The following ACOT1 variants were observed in gnomAD, a reference collection of about 807,000 sequenced individuals.
The protein encoded by ACOT1 is acyl-coenzyme A thioesterase 1.
ACOT1 carries 8 observed loss-of-function variants against 15.7 expected under a neutral mutation model. The ratio of observed to expected loss-of-function variants is 0.51; its 90% CI spans 0.30 to 0.92. ACOT1 has a LOEUF of 0.92. ACOT1 is among the 40% of genes least tolerant of loss of function. The probability of loss-of-function intolerance (pLI) is 0.06; values close to 1 mark genes in which losing one functional copy is unlikely to be tolerated. For synonymous variants in ACOT1, 67 were observed against 241.2 expected, an observed-to-expected ratio of 0.28 and a Z score of 6.69; for missense variants, 151 against 539.4, an observed-to-expected ratio of 0.28 and a Z score of 7.13.
At chr14:73,509,952 C>A in the ACOT1 span, among the ~76,000 whole-genome samples, 1 of 148,348 alleles carries the variant, frequency 6.7e-6, no homozygotes, top group Admixed American at 6.9e-5. Context: ...CAGCTCACTG[C>A]AAGCTCCGCC....
At chr14:73,515,356 G>A in the ACOT1 span, among the ~76,000 whole-genome samples, 3 of 152,200 alleles carry the variant, frequency 2.0e-5, no homozygotes, top group Admixed American at 1.3e-4. Context: ...GAGCAAGGAA[G>A]ACATAACATT....
At chr14:73,509,205 A>G in the ACOT1 span, 2 of 1,100,958 alleles carry the variant, frequency 1.8e-6, no homozygotes, top group Non-Finnish European at 2.7e-6. Flanking sequence ...TAAACCCAAT[A>G]CAGCAGACAT....
At chr14:73,516,799 T>C in the ACOT1 span, among the ~76,000 whole-genome samples, 27,655 of 152,138 alleles carry the variant, frequency 0.18, 3,300 homozygotes, top group East Asian at 0.43. Context: ...TACTGTGAAC[T>C]GCACATGTGA....
the ACOT1 span, among the ~76,000 whole-genome samples, chr14:73,518,656 G>A: frequency 2.0e-5 from 3 of 152,110 alleles, no homozygotes; most frequent in Non-Finnish European, 4.4e-5. Context: ...GGTAGAGCCA[G>A]CCCAAGGGAA....
At chr14:73,539,302 T>A (rs1205442180) in intron 1 of ACOT1, 2 of 117,206 alleles carry the variant, frequency 1.7e-5, no homozygotes, top group African/African-American at 5.6e-5. Flanking sequence ...TCCCTGTGCA[T>A]GGCAGGACCA....
the ACOT1 span, among the ~76,000 whole-genome samples, chr14:73,501,156 T>C: frequency 6.6e-6 from 1 of 152,246 alleles, no homozygotes; most frequent in African/African-American, 2.4e-5. Flanking sequence ...TCTCGCTCTG[T>C]TGCCCAGGCT....
At chr14:73,502,328 T>C in the ACOT1 span, among the ~76,000 whole-genome samples, 1 of 152,134 alleles carries the variant, frequency 6.6e-6, no homozygotes, top group African/African-American at 2.4e-5. Context: ...TATTTTTAAT[T>C]AGGTGTTTGT....
the ACOT1 span, chr14:73,502,923 G>A: frequency 1.7e-5 from 28 of 1,613,754 alleles, no homozygotes; most frequent in African/African-American, 2.7e-5. Flanking sequence ...TCTTTCCCGA[G>A]GCTCATTTGC....
chr14:73,516,463 G>C, the ACOT1 span, among the ~76,000 whole-genome samples: 1 of 137,820 alleles, frequency 7.3e-6, no homozygotes, highest in African/African-American at 2.8e-5. Flanking sequence ...CTCTGCTCAA[G>C]GAGTTAAAAT....
upstream of ACOT1, among the ~76,000 whole-genome samples, chr14:73,535,462 CTTCTTTCTTT>C (rs1490831696): frequency 9.9e-4 from 59 of 59,328 alleles, 8 homozygotes; most frequent in African/African-American, 2.3e-3. Context: ...TTTTCTTTTT[CTTCTTTCTTT>C]TTTTTTTTTT....
chr14:73,514,383 G>C, the ACOT1 span: 1 of 669,470 alleles, frequency 1.5e-6, no homozygotes, highest in Non-Finnish European at 2.6e-6. Context: ...ATTATATGGG[G>C]AACTGAGTAC....
chr14:73,509,864 ATATATT>A, the ACOT1 span, among the ~76,000 whole-genome samples: 110 of 67,790 alleles, frequency 1.6e-3, 2 homozygotes, highest in African/African-American at 2.8e-3. Context: ...ATATATATAT[ATATATT>A]TATTTATTTT....
chr14:73,524,823 T>G, the ACOT1 span, among the ~76,000 whole-genome samples: 1 of 152,012 alleles, frequency 6.6e-6, no homozygotes, highest in Non-Finnish European at 1.5e-5. Context: ...ATTCCATATG[T>G]TTCTATCCTG....
chr14:73,504,125 T>C, the ACOT1 span, among the ~76,000 whole-genome samples: 2 of 151,104 alleles, frequency 1.3e-5, no homozygotes, highest in South Asian at 4.2e-4. Flanking sequence ...TTGCCCAGGC[T>C]GGAGTGCAAT....
the ACOT1 span, among the ~76,000 whole-genome samples, chr14:73,503,521 G>A: frequency 5.9e-5 from 9 of 152,272 alleles, no homozygotes; most frequent in East Asian, 1.7e-3. Flanking sequence ...ATGTGCCCAC[G>A]CTGTTCTTCC....
At chr14:73,492,878 T>A in the ACOT1 span, 1 of 1,613,872 alleles carries the variant, frequency 6.2e-7, no homozygotes, top group Non-Finnish European at 8.5e-7. The surrounding 1 kb of genome is among the most constrained non-coding windows in gnomAD (Gnocchi z 4.9). Flanking sequence ...GGACCAGCTG[T>A]CCTTGGCAAC....
the ACOT1 span, among the ~76,000 whole-genome samples, chr14:73,526,687 C>T: frequency 3.5e-4 from 53 of 152,320 alleles, no homozygotes; most frequent in African/African-American, 9.9e-4. Context: ...ACCTACCCTG[C>T]GCCAGAAGGG....
At chr14:73,512,017 T>C in the ACOT1 span, 4 of 1,613,918 alleles carry the variant, frequency 2.5e-6, no homozygotes, top group African/African-American at 2.7e-5. Context: ...TGAGTCTCTC[T>C]GGCTGGTGGC....
the ACOT1 span, chr14:73,522,859 A>G: frequency 6.2e-7 from 1 of 1,614,086 alleles, no homozygotes; most frequent in Non-Finnish European, 8.5e-7. Flanking sequence ...TGTCATTGGT[A>G]TTGTAGAGGT....
Sources: allele counts gnomAD v4.1 joint callset (sites outside exome capture counted in the v4.1 genomes callset), GRCh38; gene constraint gnomAD v4.1.1; non-coding constraint Gnocchi (gnomAD v3.1); transcripts MANE v1.5; gene names NCBI Gene and HGNC (gene_info 2026-07-23, HGNC 2026-07-21).